ANP32B: variants seen among roughly 807,000 people sequenced by gnomAD.
ANP32B encodes acidic nuclear phosphoprotein 32 family member B.
In ANP32B, 6 loss-of-function variants were observed where a neutral mutation model predicts 32.2. That is an observed-to-expected ratio of 0.19 (90% confidence interval 0.10 to 0.37). The LOEUF (loss-of-function observed/expected upper bound fraction) is 0.37. ANP32B is among the 10% of genes least tolerant of loss of function. The probability of loss-of-function intolerance (pLI) is 1.00; values close to 1 mark genes in which losing one functional copy is unlikely to be tolerated. For synonymous variants in ANP32B, 98 were observed against 105.8 expected (o/e 0.93, Z 0.45); for missense variants, 204 against 289.2 (o/e 0.71, Z 2.14).
intron 4 of ANP32B, among the ~76,000 whole-genome samples, chr9:98,009,899 T>C (rs1322536437): frequency 6.6e-6 from 1 of 152,254 alleles, no homozygotes; most frequent in Non-Finnish European, 1.5e-5. Flanking sequence ...TTTTGAAGCA[T>C]ATTGAGACAG....
intron 1 of ANP32B, among the ~76,000 whole-genome samples, chr9:97,992,901 C>T (rs957255741): frequency 2.6e-5 from 4 of 152,122 alleles, no homozygotes; most frequent in African/African-American, 9.7e-5. Context: ...GAGGTAGGTA[C>T]TATTATCTCC....
intron 3 of ANP32B, among the ~76,000 whole-genome samples, chr9:98,003,376 A>C (rs1274838252): frequency 6.6e-6 from 1 of 152,140 alleles, no homozygotes; most frequent in Admixed American, 6.5e-5. Context: ...TAAGGGCCAA[A>C]TAGTAGGTTC....
chr9:97,997,858 A>T (rs902295862), intron 2 of ANP32B, among the ~76,000 whole-genome samples: 1 of 152,198 alleles, frequency 6.6e-6, no homozygotes, highest in East Asian at 1.9e-4. Flanking sequence ...GTGAAGGCTC[A>T]TTCCCTCATT....
intron 1 of ANP32B, among the ~76,000 whole-genome samples, chr9:97,991,354 G>T (rs1827822923): frequency 1.3e-5 from 2 of 152,024 alleles, no homozygotes; most frequent in Admixed American, 1.3e-4. Context: ...GGCTCAGGTG[G>T]TCCTCCCACT....
chr9:97,985,114 G>T (rs1156651641), intron 1 of ANP32B, among the ~76,000 whole-genome samples: 2 of 151,270 alleles, frequency 1.3e-5, no homozygotes, highest in South Asian at 4.1e-4. Flanking sequence ...GCCGCGGCCG[G>T]GTGCCCCAGC....
At chr9:98,015,335 T>A in intron 6 of ANP32B, 29 bp from the exon 7 acceptor site, 1 of 1,549,930 alleles carries the variant, frequency 6.5e-7, no homozygotes, top group Non-Finnish European at 8.7e-7. Context: ...CTTTCCACTG[T>A]CCTAAAGTCA....
intron 6 of ANP32B, 29 bp downstream of exon 6, chr9:98,012,501 T>G: frequency 6.2e-7 from 1 of 1,606,124 alleles, no homozygotes; most frequent in Non-Finnish European, 8.5e-7. Flanking sequence ...TTTTGATCAT[T>G]CTCAGTTAAA....
rs1587873339 is a variant in ANP32B, at chr9:97,994,554, A to G, written c.55-77A>G. On this transcript the variant is annotated intron_variant, in intron 1 of 6. Transcript: ENST00000339399. ...ATATGGGTGTTTTTGCAGGATATTT[A>G]TGGTAGAAGTTTCTGCATTGTTGTT... 9 of 1,456,326 alleles carry G rather than the reference A, an allele frequency of 6.2e-6. No individual in the cohort carries two copies. The East Asian group carries it at 1.1e-4, about 19-fold the overall frequency. The allele number at this position is 1,456,326 out of a possible 1,614,324, so 90.2% of individuals were successfully genotyped here. A position where few individuals can be genotyped will look rare whatever the true frequency, so the allele number is the denominator to read the frequency against.
In ANP32B at chr9:98,015,712, G is replaced by A. The variant is rs1828268244; in HGVS notation, c.*281G>A. On this transcript the variant is annotated 3_prime_UTR_variant, in exon 7 of 7. Transcript: ENST00000339399. Reference sequence around the variant, plus strand: ...TGCTGTAGCGTGGATAGCTGTGATTGGTGAGTCAACCGTCTGTGGCTACCA... The same window carrying A: ...TGCTGTAGCGTGGATAGCTGTGATTAGTGAGTCAACCGTCTGTGGCTACCA... 1 of 1,069,928 alleles carries A rather than the reference G, an allele frequency of 9.3e-7. No homozygotes were observed. The allele number at this position is 1,069,928 out of a possible 1,614,324, so 66.3% of individuals were successfully genotyped here.
intron 1 of ANP32B, chr9:97,986,926 C>G (rs550975830): frequency 6.6e-6 from 1 of 152,238 alleles, no homozygotes; most frequent in Admixed American, 6.5e-5. Context: ...TATGTTCTTA[C>G]GTTTAAGACC....
chr9:97,988,239 G>A (rs1184934092), intron 1 of ANP32B, among the ~76,000 whole-genome samples: 9 of 152,006 alleles, frequency 5.9e-5, no homozygotes, highest in Admixed American at 3.9e-4. Context: ...TCCCTCTCAG[G>A]TTGTTCACAG....
In ANP32B at chr9:98,005,150, G is replaced by A. The variant is rs1828056953; in HGVS notation, c.514G>A (p.Glu172Lys). 1.2e-6 allele frequency: 2 copies of A among 1,612,752 alleles called. No homozygotes were observed. The highest frequency in any genetic ancestry group is 1.7e-6 in the Non-Finnish European group (2 of 1,179,438). The change falls in exon 4 of 7, where the codon GAA (glutamate) becomes AAA (lysine). Residue 172 changes from glutamate to lysine, a missense_variant. Physicochemically the swap from Glu to Lys is moderately conservative, Grantham distance 56. Coordinates refer to ENST00000339399, the MANE Select transcript of ANP32B (RefSeq NM_006401.3). ...TGGTGTGGATGAAGAGGAGGAGGAC[G>A]AAGGTGAGTAGGCTCAGCATCTGGT... Reference protein sequence around the residue: ...VDGVDEEEEDEEGEDEEDEDD... With the variant: ...VDGVDEEEEDKEGEDEEDEDD...
intron 1 of ANP32B, 45 bp from the exon 2 acceptor site, chr9:97,994,586 C>T: frequency 6.4e-7 from 1 of 1,564,320 alleles, no homozygotes; most frequent in Non-Finnish European, 8.6e-7. Flanking sequence ...TGTTTGTTTT[C>T]AATGTGTTTT....
intron 1 of ANP32B, 104 bp from the exon 2 acceptor site, chr9:97,994,527 A>G: frequency 3.5e-6 from 4 of 1,127,520 alleles, no homozygotes; most frequent in Non-Finnish European, 5.1e-6. Context: ...GGCTGCCTGT[A>G]TATATGGGTG....
In ANP32B at chr9:97,983,511, C is replaced by A. The variant is rs1024234193; in HGVS notation, c.-45C>A. 44 of 1,518,128 alleles carry A rather than the reference C, an allele frequency of 2.9e-5. No individual in the cohort carries two copies. The Admixed American group carries it at 4.8e-4, about 17-fold the overall frequency. The allele number at this position is 1,518,128 out of a possible 1,614,324, so 94.0% of individuals were successfully genotyped here. On this transcript the variant is annotated 5_prime_UTR_variant, in exon 1 of 7. Transcript: ENST00000339399. ...GCCGGGACGCCTCTCCCCCCTCCGC[C>A]CCCGCCGCGGAAAGTTAAGTTTGAA...
At chr9:97,991,554 C>G (rs1827825808) in intron 1 of ANP32B, among the ~76,000 whole-genome samples, 2 of 152,024 alleles carry the variant, frequency 1.3e-5, no homozygotes, top group Admixed American at 6.6e-5. Flanking sequence ...AAGATAAATG[C>G]AAATAGCCAG....
At chr9:97,995,260 T>G (rs558792122) in intron 2 of ANP32B, among the ~76,000 whole-genome samples, 105 of 152,262 alleles carry the variant, frequency 6.9e-4, no homozygotes, top group Non-Finnish European at 1.2e-3. Context: ...AACCCCTTAT[T>G]TTATAGGCAC....
chr9:98,007,934 G>C (rs889189893), intron 4 of ANP32B, among the ~76,000 whole-genome samples: 1 of 152,172 alleles, frequency 6.6e-6, no homozygotes, highest in Admixed American at 6.5e-5. Context: ...TGAGTTAAGA[G>C]GCCTGCTCCA....
chr9:98,007,024 C>G (rs905770127), intron 4 of ANP32B, among the ~76,000 whole-genome samples: 1 of 152,074 alleles, frequency 6.6e-6, no homozygotes, highest in African/African-American at 2.4e-5. Context: ...TGCTTCACCA[C>G]TTGGAGACCA....
Sources: gnomAD v4.1 joint callset for allele counts (sites outside exome capture counted in the v4.1 genomes callset) on GRCh38, gnomAD v4.1.1 for gene constraint, MANE v1.5 for transcripts, NCBI Gene and HGNC (gene_info 2026-07-23, HGNC 2026-07-21) for gene names.